FARP1: variants seen among roughly 807,000 people sequenced by gnomAD.
The protein encoded by FARP1 is FERM, ARHGEF and pleckstrin domain-containing protein 1.
Under a neutral mutation model 128.8 loss-of-function variants are expected in FARP1, and 52 were observed. The ratio of observed to expected loss-of-function variants is 0.40; its 90% confidence interval spans 0.32 to 0.51. FARP1 has a LOEUF of 0.51. Among genes scored for constraint, FARP1 ranks in the 20% least tolerant of loss-of-function variants. The pLI, the probability that FARP1 is intolerant of heterozygous loss-of-function variation, is 0.45. For synonymous variants in FARP1, 580 were observed against 551.8 expected, an observed-to-expected ratio of 1.05 and a Z score of -0.72; for missense variants, 1,333 against 1,367.9, an observed-to-expected ratio of 0.97 and a Z score of 0.40.
chr13:98,224,533 AAAAAAAAAAAAAG>A (rs1373081970), intron 2 of FARP1, among the ~76,000 whole-genome samples: 18 of 50,868 alleles, frequency 3.5e-4, no homozygotes, highest in East Asian at 2.5e-3. Context: ...TCTCAAAAAA[AAAAAAAAAAAAAG>A]AAAAAAAAAA....
chr13:98,352,332 C>A (rs1888469785), intron 3 of FARP1, among the ~76,000 whole-genome samples: 1 of 152,168 alleles, frequency 6.6e-6, no homozygotes, highest in Admixed American at 6.5e-5. Context: ...TTGAGAAGAG[C>A]AGCTGAAATG....
chr13:98,161,217 T>A (rs1390594812), intron 1 of FARP1, among the ~76,000 whole-genome samples: 1 of 141,772 alleles, frequency 7.1e-6, no homozygotes, highest in Non-Finnish European at 1.5e-5. Context: ...CTTCAGTAAT[T>A]TTTTTTTTTT....
chr13:98,158,732 AT>A (rs1001920166), intron 1 of FARP1, among the ~76,000 whole-genome samples: 3 of 152,166 alleles, frequency 2.0e-5, no homozygotes, highest in African/African-American at 4.8e-5. Context: ...ATTATAGGCA[AT>A]TTAGCCAGGA....
chr13:98,443,421 T>C (rs7993550), intron 24 of FARP1, among the ~76,000 whole-genome samples: 107,961 of 151,712 alleles, frequency 0.71, 39,363 homozygotes, highest in Non-Finnish European at 0.8. Flanking sequence ...GCAGCCCTCA[T>C]GTGCCAGACG....
chr13:98,275,694 A>G (rs1884624256), intron 2 of FARP1, among the ~76,000 whole-genome samples: 2 of 148,472 alleles, frequency 1.3e-5, no homozygotes, highest in African/African-American at 5.0e-5. Flanking sequence ...TAGTTAGTAT[A>G]TAAAATGTCC....
intron 2 of FARP1, among the ~76,000 whole-genome samples, chr13:98,334,648 G>A (rs1435695964): frequency 2.6e-5 from 4 of 152,100 alleles, no homozygotes; most frequent in Admixed American, 1.3e-4. Flanking sequence ...ATTTATTGAT[G>A]CCCTACCCAC....
At chr13:98,338,500 T>C (rs933247839) in intron 2 of FARP1, 1 of 152,254 alleles carries the variant, frequency 6.6e-6, no homozygotes, top group Non-Finnish European at 1.5e-5. Context: ...CTCCTTTCTT[T>C]TGAAGGTTGC....
chr13:98,341,879 T>C (rs1412761372), intron 2 of FARP1, among the ~76,000 whole-genome samples: 1 of 152,152 alleles, frequency 6.6e-6, no homozygotes, highest in African/African-American at 2.4e-5. Context: ...AATGCATGAA[T>C]AGTATTGATT....
At chr13:98,364,958 G>T (rs2892734) in intron 3 of FARP1, among the ~76,000 whole-genome samples, 3 of 151,974 alleles carry the variant, frequency 2.0e-5, no homozygotes, top group African/African-American at 7.3e-5. Context: ...GTGGTGTTCT[G>T]TAAATATTCA....
At chr13:98,373,292 G>A (rs1889429171) in intron 5 of FARP1, among the ~76,000 whole-genome samples, 1 of 151,992 alleles carries the variant, frequency 6.6e-6, no homozygotes, top group Admixed American at 6.6e-5. Context: ...ATGATAAATG[G>A]TAAAATATTC....
chr13:98,246,671 C>T (rs1883085879), intron 2 of FARP1, among the ~76,000 whole-genome samples: 1 of 152,054 alleles, frequency 6.6e-6, no homozygotes, highest in Non-Finnish European at 1.5e-5. Flanking sequence ...GGTACTGAAA[C>T]AATGCTATAA....
intron 1 of FARP1, among the ~76,000 whole-genome samples, chr13:98,146,338 C>T (rs1875558877): frequency 6.6e-6 from 1 of 152,200 alleles, no homozygotes; most frequent in Non-Finnish European, 1.5e-5. Context: ...AAGCGATTCT[C>T]CTGCCTCAGC....
chr13:98,207,362 T>G (rs1364214943), intron 1 of FARP1, among the ~76,000 whole-genome samples: 1 of 152,108 alleles, frequency 6.6e-6, no homozygotes, highest in Non-Finnish European at 1.5e-5. Context: ...GTGCTAAAAA[T>G]TAGAATATAT....
intron 1 of FARP1, among the ~76,000 whole-genome samples, chr13:98,151,736 A>G (rs1466138195): frequency 7.7e-6 from 1 of 129,378 alleles, no homozygotes; most frequent in Non-Finnish European, 1.6e-5. Context: ...ATCTTGGTTC[A>G]CTGCAACCTC....
chr13:98,232,296 T>C (rs1319869460), intron 2 of FARP1, among the ~76,000 whole-genome samples: 1 of 152,188 alleles, frequency 6.6e-6, no homozygotes, highest in Non-Finnish European at 1.5e-5. Flanking sequence ...GGAGAACTGC[T>C]GGTATTTATA....
Position 98,449,258 on chromosome 13 carries a change from C to A in FARP1, c.*941C>A, listed in dbSNP as rs889268488. ...CCGGCACCTGTCGTTATTCCTATATCCTCCTGCAACTGTGGTTTGAAACTG... is the reference window on the plus strand; with the variant it reads ...CCGGCACCTGTCGTTATTCCTATATACTCCTGCAACTGTGGTTTGAAACTG... On this transcript the variant is annotated 3_prime_UTR_variant, in exon 27 of 27. Coordinates refer to ENST00000319562, the MANE Select transcript of FARP1 (RefSeq NM_005766.4). 1 of 152,206 alleles carries A rather than the reference C, an allele frequency of 6.6e-6. No individual in the cohort carries two copies. The highest frequency in any genetic ancestry group is 2.4e-5 in the African/African-American group (1 of 41,442). 9.4% of individuals were successfully genotyped at this position (152,206 alleles called of 1,614,324 possible).
chr13:98,263,924 G>A (rs537603853), intron 2 of FARP1, among the ~76,000 whole-genome samples: 4 of 152,108 alleles, frequency 2.6e-5, no homozygotes, highest in African/African-American at 9.6e-5. Context: ...TGTTATAACC[G>A]TTGGAGCATC....
At chr13:98,374,298 C>A (rs958637048) in intron 5 of FARP1, among the ~76,000 whole-genome samples, 10 of 152,114 alleles carry the variant, frequency 6.6e-5, no homozygotes, top group Non-Finnish European at 1.5e-4. Context: ...GTGGTGTGTA[C>A]CTGTAATCAC....
intron 2 of FARP1, among the ~76,000 whole-genome samples, chr13:98,252,246 T>C (rs1038790665): frequency 1.3e-5 from 2 of 152,202 alleles, no homozygotes; most frequent in African/African-American, 4.8e-5. Context: ...TTTTTCAAAA[T>C]GCCCATTTGC....
Sources: allele counts gnomAD v4.1 joint callset (sites outside exome capture counted in the v4.1 genomes callset), GRCh38; gene constraint gnomAD v4.1.1; transcripts MANE v1.5; gene names NCBI Gene and HGNC (gene_info 2026-07-23, HGNC 2026-07-21).